LDLRAD4: variants seen among roughly 807,000 people sequenced by gnomAD.
LDLRAD4 encodes the protein low-density lipoprotein receptor class A domain-containing protein 4.
A neutral mutation model predicts 17.0 loss-of-function variants in LDLRAD4; 5 were observed. The ratio of observed to expected loss-of-function variants is 0.29; its 90% CI spans 0.15 to 0.62. The LOEUF (loss-of-function observed/expected upper bound fraction) is 0.62, where lower values mean the gene tolerates loss of function less well. Among genes scored for constraint, LDLRAD4 ranks in the 20% least tolerant of loss-of-function variants. LDLRAD4 has a pLI of 0.84. For synonymous variants in LDLRAD4, 168 were observed against 171.8 expected, an observed-to-expected ratio of 0.98 and a Z score of 0.17; for missense variants, 340 against 424.7, an observed-to-expected ratio of 0.80 and a Z score of 1.75.
At chr18:13,346,811 G>C (rs1234810270) in intron 1 of LDLRAD4, among the ~76,000 whole-genome samples, 3 of 152,174 alleles carry the variant, frequency 2.0e-5, no homozygotes, top group Non-Finnish European at 1.5e-5. Context: ...TTGTTGAATT[G>C]ATCCCTTTAC....
At position 13,440,287 on chromosome 18, in the gene LDLRAD4, C is replaced by G. The variant is rs527874204; in HGVS notation, c.181+1903C>G. Reference sequence around the variant, plus strand: ...TCCTACCCTTCCCTCCTCCCTCGCTCCCTTTCTTGTCAGTATTCTTTCCGG... The same window carrying G: ...TCCTACCCTTCCCTCCTCCCTCGCTGCCTTTCTTGTCAGTATTCTTTCCGG... On this transcript the variant is annotated intron_variant, in intron 3 of 5. Coordinates refer to ENST00000359446, the Ensembl canonical transcript of LDLRAD4. The surrounding 1 kb of genome is among the most constrained non-coding windows in gnomAD (Gnocchi z 4.4). 6.6e-6 allele frequency among the ~76,000 whole-genome samples: 1 copy of G among 152,138 alleles called. No homozygotes were observed. The highest frequency in any genetic ancestry group is 2.4e-5 in the African/African-American group (1 of 41,428).
intron 3 of LDLRAD4, among the ~76,000 whole-genome samples, chr18:13,609,683 G>A (rs1435999493): frequency 2.0e-5 from 3 of 152,256 alleles, no homozygotes; most frequent in East Asian, 1.9e-4. Flanking sequence ...AATTAAGATC[G>A]GCTCCATGGC....
At chr18:13,245,134 G>A (rs1384895020) in intron 1 of LDLRAD4, among the ~76,000 whole-genome samples, 3 of 152,210 alleles carry the variant, frequency 2.0e-5, no homozygotes, top group African/African-American at 7.2e-5. Context: ...AAAATGTGGA[G>A]AAACCTCAGG....
rs928948789 is a variant in LDLRAD4, at chr18:13,611,456, T to G, written c.182-9661T>G. ...CGACAGACTCGCAGCCTGCCCTGAATTTTCTTCACACAGCCTGGGGGCATC... is the reference window on the plus strand; with the variant it reads ...CGACAGACTCGCAGCCTGCCCTGAAGTTTCTTCACACAGCCTGGGGGCATC... On this transcript the variant is annotated intron_variant, in intron 3 of 5. Coordinates refer to ENST00000359446, the Ensembl canonical transcript of LDLRAD4. The G allele has an allele frequency of 1.1e-5, 11 of 985,156 alleles. No homozygotes were observed. In the South Asian group the frequency reaches 3.8e-4, roughly 34 times the overall value. The allele number at this position is 985,156 out of a possible 1,614,324, so 61.0% of individuals were successfully genotyped here.
intron 4 of LDLRAD4, among the ~76,000 whole-genome samples, chr18:13,641,586 C>G (rs968195058): frequency 6.6e-6 from 1 of 152,208 alleles, no homozygotes; most frequent in South Asian, 2.1e-4. Flanking sequence ...GGAGGGAGGC[C>G]GGGGCCTGTG....
chr18:13,475,464 C>G lies in LDLRAD4; in HGVS notation c.181+37080C>G, dbSNP rs1170948840. Among the ~76,000 whole-genome samples the G allele has an allele frequency of 1.4e-4, 18 of 127,972 alleles. No individual in the cohort carries two copies. In the Admixed American group the frequency reaches 1.8e-3, roughly 12 times the overall value. 84.0% of individuals were successfully genotyped at this position (127,972 alleles called of 152,430 possible). A position where few individuals can be genotyped will look rare whatever the true frequency, so the allele number is the denominator to read the frequency against. ...TTTTTTTTGTAAAGACAGGTTCTTG[C>G]TGTGTTGGCCAGGCTGGTCTTAAGC... On this transcript the variant is annotated intron_variant, in intron 3 of 5. Coordinates refer to ENST00000359446, the Ensembl canonical transcript of LDLRAD4.
intron 3 of LDLRAD4, among the ~76,000 whole-genome samples, chr18:13,530,724 A>G (rs530383926): frequency 6.6e-6 from 1 of 152,120 alleles, no homozygotes; most frequent in Non-Finnish European, 1.5e-5. Flanking sequence ...ACATGCAGGG[A>G]CCCTGCCAGG....
chr18:13,571,304 A>T (rs1441181716), intron 3 of LDLRAD4, among the ~76,000 whole-genome samples: 1 of 152,248 alleles, frequency 6.6e-6, no homozygotes, highest in Non-Finnish European at 1.5e-5. Flanking sequence ...GGAGCCACTA[A>T]GTTCAGCACA....
intron 1 of LDLRAD4, among the ~76,000 whole-genome samples, chr18:13,337,013 G>T (rs888602163): frequency 6.6e-6 from 1 of 152,016 alleles, no homozygotes; most frequent in African/African-American, 2.4e-5. Flanking sequence ...GGTTTTCCAA[G>T]ACCAGCTTTA....
chr18:13,400,029 C>T (rs1209709959), intron 2 of LDLRAD4, among the ~76,000 whole-genome samples: 1 of 152,214 alleles, frequency 6.6e-6, no homozygotes, highest in East Asian at 1.9e-4. Context: ...TTACTCTTCC[C>T]TGTTGTTTGT....
At chr18:13,238,575 A>C (rs1472221854) in intron 1 of LDLRAD4, among the ~76,000 whole-genome samples, 1 of 152,216 alleles carries the variant, frequency 6.6e-6, no homozygotes. Context: ...TGTGGGACTC[A>C]GCACCCACAG....
intron 3 of LDLRAD4, among the ~76,000 whole-genome samples, chr18:13,507,853 G>A (rs888243687): frequency 6.6e-6 from 1 of 152,170 alleles, no homozygotes; most frequent in Non-Finnish European, 1.5e-5. Context: ...ATGTGTTCAA[G>A]TGGAAGGAAG....
intron 3 of LDLRAD4, among the ~76,000 whole-genome samples, chr18:13,447,786 A>G (rs1286049414): frequency 6.6e-6 from 1 of 152,104 alleles, no homozygotes; most frequent in Non-Finnish European, 1.5e-5. Context: ...TTCAGTTCTA[A>G]TAGAGTTTGC....
At chr18:13,520,061 AC>A (rs2093929842) in intron 3 of LDLRAD4, 1 of 152,234 alleles carries the variant, frequency 6.6e-6, no homozygotes, top group African/African-American at 2.4e-5. Flanking sequence ...GCCCTTGAGA[AC>A]AAGGAATTTT....
chr18:13,257,950 A>G (rs148590810), intron 1 of LDLRAD4, among the ~76,000 whole-genome samples: 3 of 152,336 alleles, frequency 2.0e-5, no homozygotes, highest in African/African-American at 7.2e-5. Context: ...TAGGCCTGTA[A>G]TGCCAGGCTG....
chr18:13,252,444 C>T (rs73951937), intron 1 of LDLRAD4, among the ~76,000 whole-genome samples: 8,164 of 152,306 alleles, frequency 0.054, 528 homozygotes, highest in African/African-American at 0.15. Flanking sequence ...CAGTTATTCA[C>T]TGTGCACACT....
Position 13,645,544 on chromosome 18 carries a change from C to T in LDLRAD4, c.808C>T (p.His270Tyr), listed in dbSNP as rs753992992. 6 of 1,610,814 alleles carry T rather than the reference C, an allele frequency of 3.7e-6. No individual in the cohort carries two copies. Among genetic ancestry groups the T allele is most frequent in the Non-Finnish European group, 5.1e-6 (6 of 1,178,484 alleles). The stretch of plus-strand genomic sequence containing the variant: ...CCACCCAGGCGCCTCTTTCCTCCAT[C>T]ACCAGCGCAGCAACGCACACAGGGG... Residue 270 changes from histidine (H) to tyrosine (Y), a missense_variant, in exon 6 of 6, where the codon CAC (histidine) becomes TAC (tyrosine). Coordinates refer to ENST00000359446, the Ensembl canonical transcript of LDLRAD4. This position sits in a 1 kb window ranked among gnomAD's most constrained non-coding sequence, Gnocchi z 5.7.
At chr18:13,310,147 T>C (rs185198842) in intron 1 of LDLRAD4, among the ~76,000 whole-genome samples, 3 of 145,396 alleles carry the variant, frequency 2.1e-5, no homozygotes, top group Non-Finnish European at 4.5e-5. Flanking sequence ...GAGCTTGAGG[T>C]CAGCCTGCGC....
chr18:13,337,386 A>G (rs1299033836), intron 1 of LDLRAD4, among the ~76,000 whole-genome samples: 3 of 152,192 alleles, frequency 2.0e-5, no homozygotes, highest in Non-Finnish European at 4.4e-5. Flanking sequence ...GGTACTTGGA[A>G]TTCTGGAGAT....
Sources: gnomAD v4.1 joint callset for allele counts (sites outside exome capture counted in the v4.1 genomes callset) on GRCh38, gnomAD v4.1.1 for gene constraint, Gnocchi (gnomAD v3.1) non-coding constraint, MANE v1.5 for transcripts, NCBI Gene and HGNC (gene_info 2026-07-23, HGNC 2026-07-21) for gene names.